RBFOX1: variants seen among roughly 807,000 people sequenced by gnomAD.
The protein encoded by RBFOX1 is RNA binding protein fox-1 homolog 1.
A neutral mutation model predicts 57.7 loss-of-function variants in RBFOX1; 8 were observed. The observed-to-expected ratio is 0.14, with a 90% CI of 0.08 to 0.25. The LOEUF (loss-of-function observed/expected upper bound fraction) is 0.25. Ranked by LOEUF, RBFOX1 falls within the 10% of genes least tolerant of loss-of-function variation. The probability of loss-of-function intolerance (pLI) is 1.00; values close to 1 mark genes in which losing one functional copy is unlikely to be tolerated. For missense variants in RBFOX1, 611 were observed against 548.5 expected (o/e 1.11, Z -1.14); for synonymous variants, 326 against 222.4 (o/e 1.47, Z -4.15).
chr16:7,105,393 C>T (rs7200303), intron 4 of RBFOX1, among the ~76,000 whole-genome samples: 7,780 of 150,044 alleles, frequency 0.052, 720 homozygotes, highest in African/African-American at 0.18. Context: ...ATAAGTTCTT[C>T]AGTGGTGATT....
At chr16:5,884,633 C>G (rs1026988965) in intron 4 of RBFOX1, among the ~76,000 whole-genome samples, 2 of 152,038 alleles carry the variant, frequency 1.3e-5, no homozygotes, top group African/African-American at 4.8e-5. Flanking sequence ...TTGCTCATCC[C>G]CATGTTCTCT....
chr16:5,397,618 T>C (rs561497116), intron 1 of RBFOX1, among the ~76,000 whole-genome samples: 67 of 152,316 alleles, frequency 4.4e-4, no homozygotes, highest in African/African-American at 1.4e-3. Context: ...ATTTCTTCAA[T>C]AGATGAAAGG....
chr16:6,971,209 G>A (rs1342723935), intron 3 of RBFOX1, among the ~76,000 whole-genome samples: 1 of 152,130 alleles, frequency 6.6e-6, no homozygotes, highest in South Asian at 2.1e-4. Context: ...TTAAAATATA[G>A]AAAGAGGTGT....
At chr16:7,629,335 G>A (rs1349299395) in intron 10 of RBFOX1, among the ~76,000 whole-genome samples, 1 of 152,180 alleles carries the variant, frequency 6.6e-6, no homozygotes, top group African/African-American at 2.4e-5. Flanking sequence ...GTTGATCATA[G>A]GGAAGATACA....
intron 3 of RBFOX1, among the ~76,000 whole-genome samples, chr16:6,920,379 T>C (rs1812463): frequency 0.7 from 106,009 of 152,046 alleles, 37,039 homozygotes; most frequent in Non-Finnish European, 0.71. Context: ...CTCTTCTGCA[T>C]GAAACCAGAG....
intron 1 of RBFOX1, among the ~76,000 whole-genome samples, chr16:6,197,439 A>C (rs1476719667): frequency 2.0e-5 from 3 of 151,950 alleles, no homozygotes. Context: ...CATGTTGGGG[A>C]CCTGCAAGCC....
intron 3 of RBFOX1, among the ~76,000 whole-genome samples, chr16:6,874,377 G>A (rs1199335188): frequency 6.6e-6 from 1 of 151,942 alleles, no homozygotes; most frequent in East Asian, 1.9e-4. Context: ...AGGCATATTG[G>A]CAGGTGCCTG....
chr16:6,714,967 T>C (rs1285855905), intron 3 of RBFOX1, among the ~76,000 whole-genome samples: 1 of 152,160 alleles, frequency 6.6e-6, no homozygotes, highest in African/African-American at 2.4e-5. Flanking sequence ...GAAGGAATTG[T>C]GGTTAAGCCT....
intron 2 of RBFOX1, among the ~76,000 whole-genome samples, chr16:6,532,352 T>G (rs1274949969): frequency 1.3e-5 from 2 of 152,146 alleles, no homozygotes; most frequent in Non-Finnish European, 2.9e-5. Context: ...AAGGTCGATT[T>G]CTATCCTCTT....
Position 6,851,532 on chromosome 16 carries a change from T to C in RBFOX1, c.-16+196882T>C, listed in dbSNP as rs532712623. 2.0e-3 allele frequency among the ~76,000 whole-genome samples: 298 copies of C among 152,334 alleles called. 1 individual carries two copies. Among genetic ancestry groups the C allele is most frequent in the Non-Finnish European group, 3.3e-3 (226 of 68,022 alleles). On this transcript the variant is annotated intron_variant, in intron 3 of 15. Transcript: ENST00000550418. The stretch of plus-strand genomic sequence containing the variant: ...AGATATTCACAACATATTTTACATA[T>C]TAAATTTTTATTTAAATATTTGTGT...
At chr16:7,656,561 A>T (rs528941832) in intron 12 of RBFOX1, among the ~76,000 whole-genome samples, 3 of 152,228 alleles carry the variant, frequency 2.0e-5, no homozygotes, top group Admixed American at 2.0e-4. Context: ...CATCATCAGG[A>T]TTCAGGTGGT....
At chr16:6,461,279 A>G (rs2094912785) in intron 2 of RBFOX1, among the ~76,000 whole-genome samples, 1 of 152,158 alleles carries the variant, frequency 6.6e-6, no homozygotes, top group Non-Finnish European at 1.5e-5. Context: ...TAAATTTTAA[A>G]AAAAGAACAC....
intron 4 of RBFOX1, among the ~76,000 whole-genome samples, chr16:7,278,975 AT>A (rs2095491989): frequency 6.6e-6 from 1 of 152,104 alleles, no homozygotes; most frequent in Non-Finnish European, 1.5e-5. Context: ...TTCTTAAAAA[AT>A]ATTTGATTAT....
In RBFOX1 at chr16:7,360,054, G is replaced by C. The variant is rs987137411; in HGVS notation, c.28-158093G>C. Among the ~76,000 whole-genome samples, 16 of 152,072 alleles carry C rather than the reference G, an allele frequency of 1.1e-4. No homozygotes were observed. In the South Asian group the frequency reaches 1.2e-3, roughly 12 times the overall value. Reference sequence around the variant, plus strand: ...TCACTTTTTTTAATTACACTATATAGTCTTTCTATAGTTGAAACAACTTAA... The same window carrying C: ...TCACTTTTTTTAATTACACTATATACTCTTTCTATAGTTGAAACAACTTAA... On this transcript the variant is annotated intron_variant, in intron 4 of 15. Transcript: ENST00000550418.
intron 3 of RBFOX1, among the ~76,000 whole-genome samples, chr16:6,762,540 G>A (rs751934982): frequency 3.3e-5 from 5 of 152,068 alleles, no homozygotes; most frequent in Admixed American, 6.6e-5. Flanking sequence ...GCCCACGGTC[G>A]TTATGTTCAA....
rs183746826 is a variant in RBFOX1 at position 7,252,470 on chromosome 16, G to A, written c.27+200372G>A. On this transcript the variant is annotated intron_variant, in intron 4 of 15. Coordinates refer to ENST00000550418, the MANE Select transcript of RBFOX1 (RefSeq NM_018723.4). Reference sequence around the variant, plus strand: ...TTGCTGTTTCATGTTGGAATTCATCGTCAGCACTGAAGTATCTGGAAATTT... The same window carrying A: ...TTGCTGTTTCATGTTGGAATTCATCATCAGCACTGAAGTATCTGGAAATTT... Among the ~76,000 whole-genome samples the A allele has an allele frequency of 2.7e-3, 411 of 152,252 alleles. 1 individual carries two copies. Among genetic ancestry groups the A allele is most frequent in the Non-Finnish European group, 4.0e-3 (274 of 68,034 alleles).
intron 3 of RBFOX1, among the ~76,000 whole-genome samples, chr16:5,819,458 G>T (rs2055766337): frequency 6.6e-6 from 1 of 152,138 alleles, no homozygotes; most frequent in Admixed American, 6.6e-5. Context: ...GCTCTAGAGT[G>T]GTCTTTCAAA....
chr16:5,968,215 T>C (rs894677429), intron 4 of RBFOX1, among the ~76,000 whole-genome samples: 5 of 152,056 alleles, frequency 3.3e-5, no homozygotes, highest in South Asian at 2.1e-4. Context: ...GCTGGGATTA[T>C]GGGCATGTAC....
chr16:6,999,883 G>A (rs1476454579), intron 3 of RBFOX1, among the ~76,000 whole-genome samples: 1 of 151,940 alleles, frequency 6.6e-6, no homozygotes, highest in African/African-American at 2.4e-5. Context: ...AGCAGCCTGA[G>A]CAACATGGTG....
Sources: allele counts gnomAD v4.1 joint callset (sites outside exome capture counted in the v4.1 genomes callset), GRCh38; gene constraint gnomAD v4.1.1; transcripts MANE v1.5; gene names NCBI Gene and HGNC (gene_info 2026-07-23, HGNC 2026-07-21).